The following SMAD4 variants were observed in gnomAD, a reference collection of about 807,000 sequenced individuals.
The protein encoded by SMAD4 is MAD homolog 4.
SMAD4 carries 7 observed loss-of-function variants against 63.2 expected under a neutral mutation model. The ratio of observed to expected loss-of-function variants is 0.11; its 90% CI spans 0.06 to 0.21. SMAD4 has a LOEUF of 0.21. SMAD4 is among the 10% of genes least tolerant of loss of function. The pLI, the probability that SMAD4 is intolerant of heterozygous loss-of-function variation, is 1.00. For missense variants in SMAD4, 312 were observed against 693.8 expected (o/e 0.45, Z 6.18); for synonymous variants, 215 against 235.4 (o/e 0.91, Z 0.79).
rs146792006 is a variant in SMAD4 at position 51,042,085 on chromosome 18, G to A, written c.-127-4835G>A. ...AGGGATGTTGTAGAAATTTGTGGAT[G>A]GGTTTGGTGGATTGGTGGCCAGGGA... On this transcript the variant is annotated intron_variant, in intron 1 of 11. Coordinates refer to ENST00000342988, the MANE Select transcript of SMAD4 (RefSeq NM_005359.6). 3.1e-3 allele frequency among the ~76,000 whole-genome samples: 474 copies of A among 152,254 alleles called. 2 individuals carry two copies. Among genetic ancestry groups the A allele is most frequent in the Middle Eastern group, 6.8e-3 (2 of 294 alleles).
At chr18:51,055,065 T>G (rs1272407795) in intron 5 of SMAD4, 72 bp downstream of exon 5, 6 of 1,128,302 alleles carry the variant, frequency 5.3e-6, no homozygotes, top group Non-Finnish European at 8.1e-6. Flanking sequence ...TGTAGTCACT[T>G]GGGGGGAAAC....
intron 8 of SMAD4, among the ~76,000 whole-genome samples, chr18:51,064,051 TA>T (rs1217291235): frequency 1.3e-5 from 2 of 152,038 alleles, no homozygotes; most frequent in African/African-American, 4.8e-5. Context: ...CATTTTAGGT[TA>T]TTTTTTTTTT....
rs146285846 is a variant in SMAD4 at position 51,049,661 on chromosome 18, A to T, written c.454+337A>T. 5.4e-4 allele frequency: 149 copies of T among 274,188 alleles called. 1 individual carries two copies. In the East Asian group the frequency reaches 0.01, roughly 18 times the overall value. 17.0% of individuals were successfully genotyped at this position (274,188 alleles called of 1,614,324 possible). A position where few individuals can be genotyped will look rare whatever the true frequency, so the allele number is the denominator to read the frequency against. ...AATCTCACAGAGCCAGTTTAAATGG[A>T]TGTTAAATACCCAGAATATTTGGTA... On this transcript the variant is annotated intron_variant, in intron 4 of 11. Coordinates refer to ENST00000342988, the MANE Select transcript of SMAD4 (RefSeq NM_005359.6).
chr18:51,042,901 C>T (rs1003961642), intron 1 of SMAD4, among the ~76,000 whole-genome samples: 6 of 152,146 alleles, frequency 3.9e-5, no homozygotes, highest in African/African-American at 1.4e-4. Flanking sequence ...ACTGCAGTGC[C>T]ATTGTGCTAT....
chr18:51,048,007 A>G lies in SMAD4; in HGVS notation c.250-679A>G, dbSNP rs142461428. On this transcript the variant is annotated intron_variant, in intron 2 of 11. Coordinates refer to ENST00000342988, the MANE Select transcript of SMAD4 (RefSeq NM_005359.6). ...AATCTGATATGTTTCACTGTTAGCA[A>G]ATGTTTCATTGGTCACATTTTTCAG... Among the ~76,000 whole-genome samples, 8 of 152,322 alleles carry G rather than the reference A, an allele frequency of 5.3e-5. No individual in the cohort carries two copies. In the East Asian group the frequency reaches 1.5e-3, roughly 29 times the overall value.
At chr18:51,039,505 A>AC (rs1053997657) in intron 1 of SMAD4, among the ~76,000 whole-genome samples, 4 of 76,362 alleles carry the variant, frequency 5.2e-5, no homozygotes, top group East Asian at 5.6e-4. Flanking sequence ...CCACCCCCCC[A>AC]CCCCCCGTAG....
rs71171374 is a variant in SMAD4, at chr18:51,062,851, G to GTTT, written c.956-2550_956-2548dup. Among the ~76,000 whole-genome samples the GTTT allele has an allele frequency of 3.7e-3, 242 of 65,386 alleles. 8 individuals carry two copies. Among genetic ancestry groups the GTTT allele is most frequent in the African/African-American group, 5.2e-3 (81 of 15,660 alleles). 42.9% of individuals were successfully genotyped at this position (65,386 alleles called of 152,430 possible). A position where few individuals can be genotyped will look rare whatever the true frequency, so the allele number is the denominator to read the frequency against. Reference sequence around the variant, plus strand: ...ACAGTCTAGTAATCTGGCTTTACTTGTTTTTTTTTTTTTTTTTTTTTTTTG... The same window carrying GTTT: ...ACAGTCTAGTAATCTGGCTTTACTTGTTTTTTTTTTTTTTTTTTTTTTTTTTTG... On this transcript the variant is annotated intron_variant, in intron 8 of 11. Coordinates refer to ENST00000342988, the MANE Select transcript of SMAD4 (RefSeq NM_005359.6).
intron 7 of SMAD4, among the ~76,000 whole-genome samples, chr18:51,058,989 T>C (rs948739752): frequency 1.3e-5 from 2 of 152,212 alleles, no homozygotes; most frequent in African/African-American, 4.8e-5. Context: ...ATTAAATCCC[T>C]TTCTTCTCAT....
chr18:51,074,506 T>A (rs1910420335), intron 10 of SMAD4, among the ~76,000 whole-genome samples: 1 of 151,920 alleles, frequency 6.6e-6, no homozygotes, highest in African/African-American at 2.4e-5. Flanking sequence ...GTAAACTGGG[T>A]TTTGGGTGAT....
chr18:51,062,848 C>CTTG (rs1166930442), intron 8 of SMAD4, among the ~76,000 whole-genome samples: 1 of 83,606 alleles, frequency 1.2e-5, no homozygotes, highest in East Asian at 4.2e-4. Flanking sequence ...TCTGGCTTTA[C>CTTG]TTGTTTTTTT....
intron 1 of SMAD4, among the ~76,000 whole-genome samples, chr18:51,041,504 G>A (rs1338838385): frequency 6.6e-6 from 1 of 152,208 alleles, no homozygotes; most frequent in Non-Finnish European, 1.5e-5. Flanking sequence ...GTATTTAGCA[G>A]CAACCATGGC....
At position 51,078,481 on chromosome 18, in the gene SMAD4, T is replaced by G. The variant is rs989027869; in HGVS notation, c.*14T>G. The G allele has an allele frequency of 3.2e-6, 5 of 1,584,534 alleles. No individual in the cohort carries two copies. The highest frequency in any genetic ancestry group is 4.3e-6 in the Non-Finnish European group (5 of 1,153,668). ...CCTTTAGACTGAGGTCTTTTACCGT[T>G]GGGGCCCTTAACCTTATCAGGATGG... On this transcript the variant is annotated 3_prime_UTR_variant, in exon 12 of 12. Coordinates refer to ENST00000342988, the MANE Select transcript of SMAD4 (RefSeq NM_005359.6).
intron 1 of SMAD4, among the ~76,000 whole-genome samples, chr18:51,039,238 G>C (rs578165232): frequency 5.0e-4 from 76 of 152,258 alleles, no homozygotes; most frequent in African/African-American, 1.7e-3. Context: ...GTACTATATT[G>C]CTGTTATTTC....
At chr18:51,030,786 GGCCGGGCGGGCCGGCTGAAT>G (rs1224004774) in intron 1 of SMAD4, among the ~76,000 whole-genome samples, 163 bp downstream of exon 1, 16 of 151,544 alleles carry the variant, frequency 1.1e-4, no homozygotes, top group South Asian at 4.1e-4. Flanking sequence ...TGACGAGCCG[GGCCGGGCGGGCCGGCTGAAT>G]GCCGGGCGGC....
intron 10 of SMAD4, among the ~76,000 whole-genome samples, chr18:51,075,413 G>A (rs1910447062): frequency 6.6e-6 from 1 of 151,976 alleles, no homozygotes; most frequent in African/African-American, 2.4e-5. Flanking sequence ...GTACGTAATG[G>A]GACTTTAAAA....
At chr18:51,057,320 T>TC (rs1909871358) in intron 5 of SMAD4, among the ~76,000 whole-genome samples, 1 of 151,974 alleles carries the variant, frequency 6.6e-6, no homozygotes, top group African/African-American at 2.4e-5. Context: ...AATTTCCACT[T>TC]TAAAAAAAAA....
At chr18:51,053,287 A>G (rs773202412) in intron 4 of SMAD4, 4 of 152,158 alleles carry the variant, frequency 2.6e-5, no homozygotes, top group African/African-American at 7.2e-5. Context: ...ATGTCCAGGA[A>G]TTAATTAGAG....
intron 3 of SMAD4, among the ~76,000 whole-genome samples, 198 bp downstream of exon 3, chr18:51,049,058 ATTGTAG>A (rs1218846543): frequency 2.6e-5 from 4 of 152,208 alleles, no homozygotes; most frequent in Admixed American, 6.5e-5. Context: ...AAAACCGAGT[ATTGTAG>A]TTGATATTTT....
At chr18:51,041,316 C>T (rs1247816126) in intron 1 of SMAD4, among the ~76,000 whole-genome samples, 1 of 152,090 alleles carries the variant, frequency 6.6e-6, no homozygotes, top group African/African-American at 2.4e-5. Context: ...TGTGGTAATC[C>T]ATTAATACTA....
Sources: gnomAD v4.1 joint callset for allele counts (sites outside exome capture counted in the v4.1 genomes callset) on GRCh38, gnomAD v4.1.1 for gene constraint, MANE v1.5 for transcripts, NCBI Gene and HGNC (gene_info 2026-07-23, HGNC 2026-07-21) for gene names.